The following HMCN2 variants were observed in gnomAD, a reference collection of about 807,000 sequenced individuals.
HMCN2 encodes the protein hemicentin 2.
A neutral mutation model predicts 377.5 loss-of-function variants in HMCN2; 325 were observed. The observed-to-expected ratio is 0.86, with a 90% confidence interval of 0.79 to 0.94. The LOEUF is 0.94. HMCN2 is among the 40% of genes least tolerant of loss of function. HMCN2 has a pLI of 0.00. For missense variants in HMCN2, 4,543 were observed against 4,725.3 expected (o/e 0.96, Z 1.13); for synonymous variants, 2,007 against 2,046.8 (o/e 0.98, Z 0.53).
rs116544602 is a variant in HMCN2 at position 130,377,759 on chromosome 9, G to A, written c.8172G>A (p.Val2724=). 4.9e-4 allele frequency: 479 copies of A among 985,946 alleles called. No homozygotes were observed. The African/African-American group carries it at 8.0e-3, about 16-fold the overall frequency. 61.1% of individuals were successfully genotyped at this position (985,946 alleles called of 1,614,324 possible). A position where few individuals can be genotyped will look rare whatever the true frequency, so the allele number is the denominator to read the frequency against. ...GGTACCTGTGTGTGGCCACCAATGT[G>A]GCTGGCGAGGACGACCAGGACTTCA... ...SGRYLCVATN[V]AGEDDQDFNV... is the part of the protein sequence containing the mutation. The change falls in exon 53 of 98, where the codon GTG becomes GTA. Residue 2724 remains valine (V), a synonymous_variant. Coordinates refer to ENST00000683500, the MANE Select transcript of HMCN2 (RefSeq NM_001291815.2).
chr9:130,368,977 GCTT>G (rs1434529528), intron 44 of HMCN2, among the ~76,000 whole-genome samples: 1 of 152,074 alleles, frequency 6.6e-6, no homozygotes, highest in African/African-American at 2.4e-5. Context: ...CTCCCACACA[GCTT>G]CTCACTAACC....
chr9:130,383,539 CAT>C lies in HMCN2; in HGVS notation c.8770_8771del (p.Met2924ValfsTer11). On this transcript the variant is annotated frameshift_variant, in exon 57 of 98. Transcript: ENST00000683500. LOFTEE classifies it high-confidence loss of function. ...TAEVADAASY[M>X]CVAENQAGSA... Reference sequence around the variant, plus strand: ...CAGAGGTGGCCGACGCCGCCAGCTACATGTGTGTGGCCGAGAACCAGGCGGGC... The same window carrying C: ...CAGAGGTGGCCGACGCCGCCAGCTACGTGTGTGGCCGAGAACCAGGCGGGC... 5.1e-6 allele frequency: 5 copies of C among 986,148 alleles called. No individual in the cohort carries two copies. Among genetic ancestry groups the C allele is most frequent in the Non-Finnish European group, 6.0e-6 (5 of 830,136 alleles). The allele number at this position is 986,148 out of a possible 1,614,324, so 61.1% of individuals were successfully genotyped here. A position where few individuals can be genotyped will look rare whatever the true frequency, so the allele number is the denominator to read the frequency against.
chr9:130,382,866 G>A lies in HMCN2; in HGVS notation c.8733G>A (p.Gln2911=), dbSNP rs1251456066. ...LQVLEDGQVL[Q]VSTAEVADAA... Reference sequence around the variant, plus strand: ...TCCTGGAGGACGGGCAAGTCTTGCAGGTCAGGGCAGCCCCCTGCACGGGCT... The same window carrying A: ...TCCTGGAGGACGGGCAAGTCTTGCAAGTCAGGGCAGCCCCCTGCACGGGCT... Residue 2911 remains glutamine (Q), a splice_region_variant and synonymous_variant, in exon 56 of 98, where the codon CAG becomes CAA. Transcript: ENST00000683500. 2 of 985,776 alleles carry A rather than the reference G, an allele frequency of 2.0e-6. No individual in the cohort carries two copies. The highest frequency in any genetic ancestry group is 2.4e-6 in the Non-Finnish European group (2 of 829,948). The allele number at this position is 985,776 out of a possible 1,614,324, so 61.1% of individuals were successfully genotyped here. A position where few individuals can be genotyped will look rare whatever the true frequency, so the allele number is the denominator to read the frequency against.
chr9:130,359,369 G>T lies in HMCN2; in HGVS notation c.5728G>T (p.Ala1910Ser), dbSNP rs1450301355. 7.7e-7 allele frequency: 1 copy of T among 1,304,200 alleles called. No individual in the cohort carries two copies. Among genetic ancestry groups the T allele is most frequent in the East Asian group, 5.6e-5 (1 of 18,008 alleles). 80.8% of individuals were successfully genotyped at this position (1,304,200 alleles called of 1,614,324 possible). ...AGTCAACAAGGCAGTGCTGGAAAATGCCTCAGTGACCTTGGAGTGTCTGGC... is the reference window on the plus strand; with the variant it reads ...AGTCAACAAGGCAGTGCTGGAAAATTCCTCAGTGACCTTGGAGTGTCTGGC... ...GPVNKAVLEN[A>S]SVTLECLASG... The change falls in exon 37 of 98, where the codon GCC becomes TCC. Residue 1910 changes from alanine to serine, a missense_variant. This residue lies in a region of HMCN2 where 1,032 missense variants were observed against 1,285.1 expected (regional missense o/e 0.80). Transcript: ENST00000683500.
intron 97 of HMCN2, 125 bp downstream of exon 97, chr9:130,432,680 C>G: frequency 9.5e-7 from 1 of 1,053,300 alleles, no homozygotes; most frequent in East Asian, 2.6e-5. Flanking sequence ...ACGCACGGAG[C>G]CCTGGGGGCA....
rs1842497548 is a variant in HMCN2 at position 130,394,402 on chromosome 9, G to T, written c.10519G>T (p.Asp3507Tyr). 7.8e-7 allele frequency: 1 copy of T among 1,289,538 alleles called. No homozygotes were observed. The highest frequency in any genetic ancestry group is 1.5e-5 in the African/African-American group (1 of 65,860). 79.9% of individuals were successfully genotyped at this position (1,289,538 alleles called of 1,614,324 possible). ...LTVMEPPHIE[D>Y]SGQPTELSLT... ...GCTTGCAGAGCCCCCTCACATTGAG[G>T]ACTCAGGCCAGCCTACAGAGCTGTC... Residue 3507 changes from aspartate to tyrosine, a missense_variant, in exon 69 of 98, where the codon GAC (aspartate) becomes TAC (tyrosine). Asp to Tyr is a radical substitution (Grantham distance 160). This residue lies in a region of HMCN2 where 1,073 missense variants were observed against 1,319.5 expected (regional missense o/e 0.81). Coordinates refer to ENST00000683500, the MANE Select transcript of HMCN2 (RefSeq NM_001291815.2). The surrounding 1 kb of genome is among the most constrained non-coding windows in gnomAD (Gnocchi z 5.1).
rs1269183211 is a variant in HMCN2 at position 130,395,110 on chromosome 9, T to C, written c.10774+2T>C. The C allele has an allele frequency of 3.5e-6, 3 of 849,458 alleles. No homozygotes were observed. The highest frequency in any genetic ancestry group is 4.3e-6 in the Non-Finnish European group (3 of 698,842). The allele number at this position is 849,458 out of a possible 1,614,324, so 52.6% of individuals were successfully genotyped here. A position where few individuals can be genotyped will look rare whatever the true frequency, so the allele number is the denominator to read the frequency against. ...AGAGCTTCCGGGTCAGGGTTCAAGGTAGGTGGTGGGGGTGGGGTGGGGGCA... is the reference window on the plus strand; with the variant it reads ...AGAGCTTCCGGGTCAGGGTTCAAGGCAGGTGGTGGGGGTGGGGTGGGGGCA... On this transcript the variant is annotated splice_donor_variant, in intron 70 of 97. Coordinates refer to ENST00000683500, the MANE Select transcript of HMCN2 (RefSeq NM_001291815.2). LOFTEE classifies it high-confidence loss of function.
At chr9:130,272,519 G>A (rs4837485) in intron 1 of HMCN2, among the ~76,000 whole-genome samples, 90,067 of 137,942 alleles carry the variant, frequency 0.65, 30,495 homozygotes, top group East Asian at 0.9. Context: ...GGGATTACAG[G>A]TGTGAGTCAC....
At chr9:130,275,625 T>G (rs1431303245) in intron 1 of HMCN2, among the ~76,000 whole-genome samples, 1 of 152,024 alleles carries the variant, frequency 6.6e-6, no homozygotes, top group Non-Finnish European at 1.5e-5. Flanking sequence ...AATTTTTGTG[T>G]TTTTAGTAGA....
rs1842341636 is a variant in HMCN2, at chr9:130,391,971, G to A, written c.9989G>A (p.Gly3330Glu). ...PTIKQGADGS[G>E]TLVSRPGELV... ...ATCAAGCAGGGAGCAGACGGCTCGG[G>A]GACCCTGGTGAGCAGGCCTGGGGAG... The change falls in exon 66 of 98, where the codon GGG (glycine) becomes GAG (glutamate). Residue 3330 changes from glycine (G) to glutamate (E), a missense_variant. Transcript: ENST00000683500. The A allele has an allele frequency of 9.1e-6, 9 of 988,282 alleles. No individual in the cohort carries two copies. Among genetic ancestry groups the A allele is most frequent in the Non-Finnish European group, 1.1e-5 (9 of 830,306 alleles). 61.2% of individuals were successfully genotyped at this position (988,282 alleles called of 1,614,324 possible).
chr9:130,392,676 A>G (rs976831145), intron 66 of HMCN2, among the ~76,000 whole-genome samples: 2 of 152,084 alleles, frequency 1.3e-5, no homozygotes, highest in Non-Finnish European at 2.9e-5. Context: ...TGGAGGCTTT[A>G]TCCTGGGGGC....
At chr9:130,397,942 G>T (rs1466546182) in intron 74 of HMCN2, among the ~76,000 whole-genome samples, 1 of 151,694 alleles carries the variant, frequency 6.6e-6, no homozygotes, top group East Asian at 1.9e-4. Flanking sequence ...GATCCCAGGA[G>T]TTTGAGACCA....
At chr9:130,413,975 A>T (rs1843551781) in intron 85 of HMCN2, among the ~76,000 whole-genome samples, 1 of 130,128 alleles carries the variant, frequency 7.7e-6, no homozygotes, top group Admixed American at 8.1e-5. Flanking sequence ...GTGAAACCCC[A>T]TCTCTACCAA....
At position 130,293,278 on chromosome 9, in the gene HMCN2, A is replaced by AGTTTTTTTTTTTTTT. The variant is rs1835901134; in HGVS notation, c.613-1576_613-1562dup. On this transcript the variant is annotated intron_variant, in intron 4 of 97. Transcript: ENST00000683500. Reference sequence around the variant, plus strand: ...CTTCCAAATAAAATCTACTCACTAAAGTTTTTTTTTTTTTTTTTTTTTGCG... The same window carrying AGTTTTTTTTTTTTTT: ...CTTCCAAATAAAATCTACTCACTAAAGTTTTTTTTTTTTTTGTTTTTTTTTTTTTTTTTTTTTGCG... Among the ~76,000 whole-genome samples, 10 of 30,018 alleles carry AGTTTTTTTTTTTTTT rather than the reference A, an allele frequency of 3.3e-4. 1 individual carries two copies. Among genetic ancestry groups the AGTTTTTTTTTTTTTT allele is most frequent in the Non-Finnish European group, 4.8e-4 (9 of 18,834 alleles). 19.7% of individuals were successfully genotyped at this position (30,018 alleles called of 152,430 possible).
chr9:130,383,168 A>G (rs911612226), intron 56 of HMCN2, among the ~76,000 whole-genome samples: 1 of 152,080 alleles, frequency 6.6e-6, no homozygotes, highest in Admixed American at 6.5e-5. Context: ...CGTGCCCAGC[A>G]CTCAGACATC....
Position 130,382,863 on chromosome 9 carries a change from G to T in HMCN2, c.8730G>T (p.Leu2910Phe). 3 of 985,882 alleles carry T rather than the reference G, an allele frequency of 3.0e-6. No homozygotes were observed. Among genetic ancestry groups the T allele is most frequent in the Non-Finnish European group, 3.6e-6 (3 of 829,922 alleles). 61.1% of individuals were successfully genotyped at this position (985,882 alleles called of 1,614,324 possible). A position where few individuals can be genotyped will look rare whatever the true frequency, so the allele number is the denominator to read the frequency against. ...RLQVLEDGQV[L>F]QVSTAEVADA... ...AGGTCCTGGAGGACGGGCAAGTCTT[G>T]CAGGTCAGGGCAGCCCCCTGCACGG... The change falls in exon 56 of 98, where the codon TTG (leucine) becomes TTT (phenylalanine). Residue 2910 changes from leucine to phenylalanine, a missense_variant. Transcript: ENST00000683500.
chr9:130,266,639 T>G (rs1834115211), intron 1 of HMCN2, among the ~76,000 whole-genome samples: 1 of 152,230 alleles, frequency 6.6e-6, no homozygotes, highest in African/African-American at 2.4e-5. Context: ...CCACGGACCC[T>G]GCAGTGGGGA....
At position 130,369,139 on chromosome 9, in the gene HMCN2, T is replaced by A. The variant is rs1428515289; in HGVS notation, c.6788-431T>A. ...TATATGATGGAAACCTAAAGCCCTA[T>A]CTACTGGTCCTGCAGTGATGAAATG... is the stretch of plus-strand genomic sequence containing the variant. On this transcript the variant is annotated intron_variant, in intron 44 of 97. Coordinates refer to ENST00000683500, the MANE Select transcript of HMCN2 (RefSeq NM_001291815.2). The surrounding 1 kb of genome is among the most constrained non-coding windows in gnomAD (Gnocchi z 4.5). 1.3e-5 allele frequency among the ~76,000 whole-genome samples: 2 copies of A among 151,802 alleles called. No homozygotes were observed. The highest frequency in any genetic ancestry group is 2.9e-5 in the Non-Finnish European group (2 of 68,032).
intron 28 of HMCN2, 68 bp from the exon 29 acceptor site, chr9:130,349,469 G>C: frequency 7.8e-7 from 1 of 1,274,708 alleles, no homozygotes; most frequent in South Asian, 1.3e-5. Flanking sequence ...CACAGACAAA[G>C]GCCCCGTGGT....
Sources: gnomAD v4.1 joint callset for allele counts (sites outside exome capture counted in the v4.1 genomes callset) on GRCh38, gnomAD v4.1.1 for gene constraint, gnomAD v4.1.1 regional missense constraint, Gnocchi (gnomAD v3.1) non-coding constraint, MANE v1.5 for transcripts, NCBI Gene and HGNC (gene_info 2026-07-23, HGNC 2026-07-21) for gene names.